The following FOXN3 variants were observed in gnomAD, a reference collection of about 807,000 sequenced individuals.
FOXN3 encodes the protein forkhead box N3.
A neutral mutation model predicts 38.4 loss-of-function variants in FOXN3; 7 were observed. The ratio of observed to expected loss-of-function variants is 0.18; its 90% CI spans 0.10 to 0.34. The LOEUF (loss-of-function observed/expected upper bound fraction) is 0.34. Among genes scored for constraint, FOXN3 ranks in the 10% least tolerant of loss-of-function variants. The pLI is 1.00. For synonymous variants in FOXN3, 230 were observed against 242.2 expected (o/e 0.95, Z 0.47); for missense variants, 456 against 613.4 (o/e 0.74, Z 2.71).
intron 1 of FOXN3, among the ~76,000 whole-genome samples, chr14:89,466,783 A>G (rs1892981363): frequency 6.6e-6 from 1 of 152,178 alleles, no homozygotes; most frequent in African/African-American, 2.4e-5. Context: ...TTTGGGTTTT[A>G]CATTTCTCTC....
At chr14:89,388,868 A>C (rs973583226) in intron 2 of FOXN3, among the ~76,000 whole-genome samples, 68 of 152,032 alleles carry the variant, frequency 4.5e-4, no homozygotes, top group African/African-American at 1.6e-3. Flanking sequence ...GGCTGCTACC[A>C]GTGGCTCAAC....
At chr14:89,298,024 T>C (rs115633953) in intron 3 of FOXN3, among the ~76,000 whole-genome samples, 1,748 of 152,050 alleles carry the variant, frequency 0.011, 31 homozygotes, top group African/African-American at 0.04. Context: ...GAAACATTAT[T>C]CACAATAGCC....
chr14:89,319,482 T>C (rs751867264), intron 3 of FOXN3, among the ~76,000 whole-genome samples: 4 of 152,080 alleles, frequency 2.6e-5, no homozygotes, highest in Non-Finnish European at 5.9e-5. Flanking sequence ...CCAAGATTTT[T>C]ACTGGGGACT....
intron 3 of FOXN3, among the ~76,000 whole-genome samples, chr14:89,332,523 T>C (rs1244618822): frequency 6.6e-6 from 1 of 152,188 alleles, no homozygotes; most frequent in East Asian, 1.9e-4. Context: ...AAGACTTTGT[T>C]AAAACGAAAT....
intron 1 of FOXN3, among the ~76,000 whole-genome samples, chr14:89,459,827 G>A (rs1473627246): frequency 6.6e-6 from 1 of 152,108 alleles, no homozygotes; most frequent in Non-Finnish European, 1.5e-5. Flanking sequence ...TCCCCCCACC[G>A]AGGGCAATAT....
At chr14:89,563,412 G>C (rs556400718) in intron 1 of FOXN3, among the ~76,000 whole-genome samples, 1 of 152,226 alleles carries the variant, frequency 6.6e-6, no homozygotes, top group Non-Finnish European at 1.5e-5. Context: ...AATGGCAATG[G>C]CAGATCCATG....
At chr14:89,540,094 T>C (rs1894765332) in intron 1 of FOXN3, among the ~76,000 whole-genome samples, 1 of 152,208 alleles carries the variant, frequency 6.6e-6, no homozygotes, top group Non-Finnish European at 1.5e-5. Flanking sequence ...TAAATACTTT[T>C]AGTTGTTTTC....
At chr14:89,453,850 T>G (rs1892667993) in intron 1 of FOXN3, among the ~76,000 whole-genome samples, 1 of 152,170 alleles carries the variant, frequency 6.6e-6, no homozygotes, top group Non-Finnish European at 1.5e-5. Flanking sequence ...AGAAATACAC[T>G]GCTATGGACT....
upstream of FOXN3, chr14:89,419,639 T>C (rs148817414): frequency 6.5e-6 from 1 of 153,438 alleles, no homozygotes; most frequent in Non-Finnish European, 1.5e-5. Context: ...TACATAAGTA[T>C]CTGGGAGCTG....
intron 3 of FOXN3, among the ~76,000 whole-genome samples, chr14:89,303,809 A>G (rs1887293820): frequency 6.6e-6 from 1 of 152,254 alleles, no homozygotes; most frequent in African/African-American, 2.4e-5. Flanking sequence ...ACAGACATTG[A>G]GGACAGTCCT....
Position 89,514,563 on chromosome 14 carries a change from C to T in FOXN3, c.-14-102073G>A, listed in dbSNP as rs572870276. ...ATCTACCGTAACCAGACTTTACTGA[C>T]GTAGAAACTGAGGTCCAAAGAAGTT... On this transcript the variant is annotated intron_variant, in intron 1 of 6. Transcript: ENST00000345097. Among the ~76,000 whole-genome samples the T allele has an allele frequency of 1.5e-4, 23 of 152,188 alleles. No homozygotes were observed. In the South Asian group the frequency reaches 1.7e-3, roughly 11 times the overall value.
At chr14:89,449,762 G>A (rs911447499) in intron 1 of FOXN3, among the ~76,000 whole-genome samples, 1 of 152,162 alleles carries the variant, frequency 6.6e-6, no homozygotes, top group Admixed American at 6.5e-5. Flanking sequence ...TCCCCACGGA[G>A]GTCTGACAGC....
chr14:89,479,615 A>C (rs751982773), intron 1 of FOXN3, among the ~76,000 whole-genome samples: 4 of 152,090 alleles, frequency 2.6e-5, no homozygotes, highest in Non-Finnish European at 5.9e-5. Context: ...TAGAATACAA[A>C]CTCTTACCTA....
chr14:89,287,431 T>A (rs1441336023), intron 3 of FOXN3, among the ~76,000 whole-genome samples: 1 of 152,038 alleles, frequency 6.6e-6, no homozygotes, highest in Non-Finnish European at 1.5e-5. Context: ...GGATTACAGG[T>A]GTGAGCCACG....
intron 3 of FOXN3, among the ~76,000 whole-genome samples, chr14:89,324,009 T>G (rs74078090): frequency 0.025 from 3,777 of 152,230 alleles, 144 homozygotes; most frequent in African/African-American, 0.086. Context: ...CCTGGGCAAC[T>G]CCTCAGATAC....
intron 1 of FOXN3, among the ~76,000 whole-genome samples, chr14:89,575,377 T>C (rs1895588583): frequency 6.6e-6 from 1 of 152,070 alleles, no homozygotes. Flanking sequence ...TTTGGGTCAG[T>C]AAACCCTGGC....
chr14:89,321,939 C>T (rs1024848837), intron 3 of FOXN3, among the ~76,000 whole-genome samples: 9 of 152,186 alleles, frequency 5.9e-5, no homozygotes, highest in Non-Finnish European at 8.8e-5. Context: ...TAAAGAAAAC[C>T]GGTAAATTAT....
intron 4 of FOXN3, among the ~76,000 whole-genome samples, chr14:89,236,232 C>A (rs1391823127): frequency 6.6e-6 from 1 of 152,192 alleles, no homozygotes; most frequent in Non-Finnish European, 1.5e-5. Flanking sequence ...GAGTAGCATG[C>A]AGGCCGGGCA....
At chr14:89,192,737 A>C (rs1266331246) in intron 4 of FOXN3, among the ~76,000 whole-genome samples, 29 of 145,910 alleles carry the variant, frequency 2.0e-4, no homozygotes, top group African/African-American at 6.7e-4. Context: ...TAGTTAATAT[A>C]TGTATACTAT....
Sources: allele counts gnomAD v4.1 joint callset (sites outside exome capture counted in the v4.1 genomes callset), GRCh38; gene constraint gnomAD v4.1.1; transcripts MANE v1.5; gene names NCBI Gene and HGNC (gene_info 2026-07-23, HGNC 2026-07-21).